TRHDE: variants seen among roughly 807,000 people sequenced by gnomAD.
The protein encoded by TRHDE is thyrotropin-releasing hormone-degrading ectoenzyme.
In TRHDE, 72 loss-of-function variants were observed where a neutral mutation model predicts 125.7. The observed-to-expected ratio is 0.57, with a 90% confidence interval of 0.47 to 0.70. The LOEUF is 0.70. Among genes scored for constraint, TRHDE ranks in the 30% least tolerant of loss-of-function variants. TRHDE has a pLI of 0.00. For synonymous variants in TRHDE, 509 were observed against 509.1 expected, an observed-to-expected ratio of 1.00 and a Z score of 0.00; for missense variants, 1,110 against 1,327.1, an observed-to-expected ratio of 0.84 and a Z score of 2.54.
intron 3 of TRHDE, among the ~76,000 whole-genome samples, chr12:72,397,097 C>A (rs934205816): frequency 1.3e-5 from 2 of 152,170 alleles, no homozygotes; most frequent in African/African-American, 4.8e-5. Flanking sequence ...TCTTCTTTCA[C>A]CCGTCAAGCC....
At chr12:72,405,242 A>G (rs1214039528) in intron 3 of TRHDE, among the ~76,000 whole-genome samples, 1 of 152,212 alleles carries the variant, frequency 6.6e-6, no homozygotes, top group Non-Finnish European at 1.5e-5. Context: ...GGGTGAGGGA[A>G]CAGATTATGT....
At chr12:72,337,099 C>G (rs12817810) in intron 2 of TRHDE, among the ~76,000 whole-genome samples, 52,781 of 152,070 alleles carry the variant, frequency 0.35, 9,889 homozygotes, top group Non-Finnish European at 0.43. Flanking sequence ...GATTAGTACT[C>G]TTTGGAGCAA....
At chr12:72,422,717 C>T (rs1565735525) in intron 3 of TRHDE, among the ~76,000 whole-genome samples, 3 of 151,998 alleles carry the variant, frequency 2.0e-5, no homozygotes. Flanking sequence ...TAGATTGGTC[C>T]TTTGCTATGG....
chr12:72,663,029 C>T, intron 18 of TRHDE, 23 bp from the exon 19 acceptor site: 1 of 1,589,546 alleles, frequency 6.3e-7, no homozygotes, highest in Non-Finnish European at 8.6e-7. Context: ...GCAGATTTAC[C>T]ATTTAAAAAT....
intron 2 of TRHDE, among the ~76,000 whole-genome samples, chr12:72,262,202 C>G (rs1043227071): frequency 1.3e-5 from 2 of 152,144 alleles, no homozygotes; most frequent in Admixed American, 6.5e-5. Context: ...ATTTCAGGAG[C>G]ATTAACATTT....
At chr12:72,420,700 CAG>C (rs1352183429) in intron 3 of TRHDE, among the ~76,000 whole-genome samples, 3 of 152,128 alleles carry the variant, frequency 2.0e-5, no homozygotes, top group Admixed American at 2.0e-4. Context: ...ACTGACCACA[CAG>C]ATGGTATATA....
At chr12:72,394,160 A>G (rs982755356) in intron 3 of TRHDE, among the ~76,000 whole-genome samples, 2 of 152,206 alleles carry the variant, frequency 1.3e-5, no homozygotes, top group Non-Finnish European at 2.9e-5. Flanking sequence ...TAAGTTTGTT[A>G]AGTCACCAGA....
At chr12:72,319,019 G>A (rs553525203) in intron 2 of TRHDE, among the ~76,000 whole-genome samples, 1 of 152,202 alleles carries the variant, frequency 6.6e-6, no homozygotes, top group African/African-American at 2.4e-5. Context: ...AGAGCTAAGG[G>A]TAAGGAGAGG....
intron 15 of TRHDE, among the ~76,000 whole-genome samples, chr12:72,628,002 C>G (rs2136084095): frequency 6.6e-6 from 1 of 151,960 alleles, no homozygotes; most frequent in East Asian, 1.9e-4. Flanking sequence ...TTGCATATTT[C>G]TTCCATAGTT....
At chr12:72,137,352 G>A (rs1876008592) in intron 2 of TRHDE, 1 of 152,156 alleles carries the variant, frequency 6.6e-6, no homozygotes, top group Non-Finnish European at 1.5e-5. Flanking sequence ...CCTTAGTCTG[G>A]CACTTCAAGG....
At chr12:72,227,627 A>G (rs1878160211) in intron 2 of TRHDE, among the ~76,000 whole-genome samples, 3 of 152,098 alleles carry the variant, frequency 2.0e-5, no homozygotes, top group Non-Finnish European at 4.4e-5. Context: ...CAGTCTCCCA[A>G]AGTCTTAACT....
chr12:72,612,531 C>G (rs1341302329), intron 12 of TRHDE, among the ~76,000 whole-genome samples: 1 of 152,114 alleles, frequency 6.6e-6, no homozygotes, highest in African/African-American at 2.4e-5. Context: ...AGCCCTGCTA[C>G]TCATTAGCCA....
intron 6 of TRHDE, among the ~76,000 whole-genome samples, chr12:72,540,052 G>A (rs1869063948): frequency 6.6e-6 from 1 of 151,688 alleles, no homozygotes; most frequent in Non-Finnish European, 1.5e-5. Context: ...CTGTGTTAGG[G>A]GTTGTGATCT....
chr12:72,104,583 C>T (rs927826875), intron 1 of TRHDE, among the ~76,000 whole-genome samples: 1 of 152,156 alleles, frequency 6.6e-6, no homozygotes, highest in East Asian at 1.9e-4. Context: ...AATGGCTGCT[C>T]AAGAAATGCC....
intron 2 of TRHDE, among the ~76,000 whole-genome samples, chr12:72,334,718 A>ACC (rs2135723418): frequency 6.6e-6 from 1 of 152,300 alleles, no homozygotes; most frequent in African/African-American, 2.4e-5. Context: ...CCCAGGGAAA[A>ACC]CCCAGCCTTA....
At chr12:72,398,094 TG>T (rs1325222459) in intron 3 of TRHDE, among the ~76,000 whole-genome samples, 1 of 151,844 alleles carries the variant, frequency 6.6e-6, no homozygotes, top group Non-Finnish European at 1.5e-5. Context: ...TTTGGTTTTT[TG>T]TTCTTGTGAT....
At chr12:72,466,269 A>C (rs1876369178) in intron 3 of TRHDE, among the ~76,000 whole-genome samples, 1 of 152,118 alleles carries the variant, frequency 6.6e-6, no homozygotes, top group Non-Finnish European at 1.5e-5. Flanking sequence ...ATATGTATAG[A>C]GTCTTCTTCC....
intron 12 of TRHDE, among the ~76,000 whole-genome samples, chr12:72,601,939 A>C (rs936863442): frequency 2.6e-5 from 4 of 152,104 alleles, no homozygotes; most frequent in African/African-American, 9.7e-5. Flanking sequence ...CATGGTAACA[A>C]ATTTTGAGGT....
chr12:72,639,079 G>A (rs1471183274), intron 15 of TRHDE, among the ~76,000 whole-genome samples: 1 of 150,468 alleles, frequency 6.6e-6, no homozygotes, highest in African/African-American at 2.4e-5. Flanking sequence ...AAGTTCTCCT[G>A]GATAATATCC....
Sources: gnomAD v4.1 joint callset for allele counts (sites outside exome capture counted in the v4.1 genomes callset) on GRCh38, gnomAD v4.1.1 for gene constraint, MANE v1.5 for transcripts, NCBI Gene and HGNC (gene_info 2026-07-23, HGNC 2026-07-21) for gene names.